The following TASP1 variants were observed in gnomAD, a reference collection of about 807,000 sequenced individuals.
The protein encoded by TASP1 is threonine aspartase 1.
A neutral mutation model predicts 56.6 loss-of-function variants in TASP1; 16 were observed. That is an observed-to-expected ratio of 0.28 (90% confidence interval 0.19 to 0.43). The LOEUF is 0.43. TASP1 is among the 20% of genes least tolerant of loss of function. The pLI is 1.00. For synonymous variants in TASP1, 179 were observed against 184.2 expected (o/e 0.97, Z 0.23); for missense variants, 393 against 511.6 (o/e 0.77, Z 2.24).
chr20:13,279,962 A>G, the TASP1 span: 14 of 1,492,420 alleles, frequency 9.4e-6, no homozygotes, highest in Non-Finnish European at 1.3e-5. Context: ...TGCCTTGGAC[A>G]TGGAGCCAAG....
rs2042955487 is a variant in TASP1, at chr20:13,435,073, T to G, written c.1067A>C (p.Asp356Ala). 6.2e-7 allele frequency: 1 copy of G among 1,610,644 alleles called. No homozygotes were observed. ...LRSCRCSAEP[D>A]SSQNKQTLLV... ...AAGTGTCTGCTTATTTTGGGAGGAG[T>G]CAGGCTCGGCAGAACATCTGCATGA... Residue 356 changes from aspartate (D) to alanine (A), a missense_variant, in exon 12 of 14, where the codon GAC becomes GCC. Physicochemically the swap from Asp to Ala is moderately radical, Grantham distance 126. Transcript: ENST00000337743.
intron 10 of TASP1, among the ~76,000 whole-genome samples, chr20:13,524,742 C>T (rs1300974078): frequency 6.6e-6 from 1 of 152,108 alleles, no homozygotes; most frequent in Admixed American, 6.5e-5. Context: ...ATGCATCCTC[C>T]CATGTAATCC....
intron 8 of TASP1, among the ~76,000 whole-genome samples, chr20:13,549,240 T>A (rs953393870): frequency 1.3e-5 from 2 of 152,124 alleles, no homozygotes; most frequent in Non-Finnish European, 2.9e-5. Context: ...GTAATTCCAG[T>A]CTCAAGTCTT....
At chr20:13,262,471 T>C in the TASP1 span, among the ~76,000 whole-genome samples, 2 of 152,106 alleles carry the variant, frequency 1.3e-5, no homozygotes, top group Admixed American at 6.5e-5. Context: ...TTTTCTTTTT[T>C]TTTTTGGCCT....
intron 10 of TASP1, among the ~76,000 whole-genome samples, chr20:13,522,258 C>T (rs570530006): frequency 6.6e-6 from 1 of 152,188 alleles, no homozygotes; most frequent in East Asian, 1.9e-4. Flanking sequence ...AGAGGTATAT[C>T]GTTTGAGTTC....
At chr20:13,179,253 A>G in the TASP1 span, among the ~76,000 whole-genome samples, 1 of 152,218 alleles carries the variant, frequency 6.6e-6, no homozygotes, top group African/African-American at 2.4e-5. Flanking sequence ...AAGTTTAATT[A>G]ACTCAAGGTA....
chr20:13,417,932 G>A (rs1429163758), intron 12 of TASP1, among the ~76,000 whole-genome samples: 2 of 152,148 alleles, frequency 1.3e-5, no homozygotes, highest in Admixed American at 6.5e-5. Context: ...TCCTTATTGA[G>A]ACGGAGTTTC....
chr20:13,300,746 G>GA, the TASP1 span: 2 of 152,224 alleles, frequency 1.3e-5, no homozygotes, highest in African/African-American at 4.8e-5. Flanking sequence ...ACCCAGGTGG[G>GA]AATAAAAGGC....
chr20:13,600,689 AT>A (rs1180157253), intron 4 of TASP1: 1 of 152,212 alleles, frequency 6.6e-6, no homozygotes, highest in Non-Finnish European at 1.5e-5. Context: ...AGAAAAACAT[AT>A]ATTATACAAG....
At chr20:13,233,425 A>G in the TASP1 span, among the ~76,000 whole-genome samples, 1 of 151,964 alleles carries the variant, frequency 6.6e-6, no homozygotes, top group South Asian at 2.1e-4. Context: ...GAGAAACCCC[A>G]TCTCTACTGA....
chr20:13,268,332 C>A, the TASP1 span, among the ~76,000 whole-genome samples: 1 of 134,490 alleles, frequency 7.4e-6, no homozygotes, highest in Admixed American at 7.7e-5. Flanking sequence ...TCTCTTTCTC[C>A]TTCTCCTTCT....
chr20:13,180,100 G>C, the TASP1 span, among the ~76,000 whole-genome samples: 1 of 152,130 alleles, frequency 6.6e-6, no homozygotes, highest in Non-Finnish European at 1.5e-5. Flanking sequence ...CATTCATGAG[G>C]ACCTGGACAC....
chr20:13,192,044 A>G, the TASP1 span, among the ~76,000 whole-genome samples: 1 of 152,216 alleles, frequency 6.6e-6, no homozygotes, highest in African/African-American at 2.4e-5. Context: ...AGACAGAAGT[A>G]AAATGTCTGA....
At chr20:13,126,262 A>G in the TASP1 span, among the ~76,000 whole-genome samples, 1 of 152,226 alleles carries the variant, frequency 6.6e-6, no homozygotes, top group Non-Finnish European at 1.5e-5. Context: ...GGCACTGAAC[A>G]CAAAGTCAGT....
At chr20:13,512,961 A>G (rs2044391985) in intron 10 of TASP1, among the ~76,000 whole-genome samples, 2 of 152,060 alleles carry the variant, frequency 1.3e-5, no homozygotes, top group Non-Finnish European at 2.9e-5. Flanking sequence ...ATTGGTCTAT[A>G]TCTCTGTTTT....
Position 13,414,973 on chromosome 20 carries a change from C to G in TASP1, c.1170+2475G>C, listed in dbSNP as rs144769244. Among the ~76,000 whole-genome samples the G allele has an allele frequency of 4.2e-3, 632 of 152,236 alleles. 1 individual carries two copies. The highest frequency in any genetic ancestry group is 0.014 in the African/African-American group (585 of 41,544). On this transcript the variant is annotated intron_variant, in intron 13 of 13. Coordinates refer to ENST00000337743, the MANE Select transcript of TASP1 (RefSeq NM_017714.3). ...GGCTTTAACTTGGGATTAAACACAA[C>G]TAGCTCATATATGTTCAAATGGCCA... is the stretch of plus-strand genomic sequence containing the variant.
At chr20:13,533,538 TG>T (rs1188957812) in intron 9 of TASP1, among the ~76,000 whole-genome samples, 1 of 152,206 alleles carries the variant, frequency 6.6e-6, no homozygotes, top group Non-Finnish European at 1.5e-5. Flanking sequence ...CCTGAAATAC[TG>T]GTTATTTTCT....
the TASP1 span, among the ~76,000 whole-genome samples, chr20:13,344,171 AG>A: frequency 3.9e-5 from 6 of 151,998 alleles, no homozygotes; most frequent in Non-Finnish European, 7.4e-5. Flanking sequence ...TGATATGGGG[AG>A]AAGCATGACC....
intron 10 of TASP1, among the ~76,000 whole-genome samples, chr20:13,500,751 G>C (rs925217595): frequency 1.3e-5 from 2 of 151,954 alleles, no homozygotes; most frequent in African/African-American, 4.8e-5. Flanking sequence ...GAATAAATAG[G>C]AATGTGGTAT....
Sources: gnomAD v4.1 joint callset for allele counts (sites outside exome capture counted in the v4.1 genomes callset) on GRCh38, gnomAD v4.1.1 for gene constraint, MANE v1.5 for transcripts, NCBI Gene and HGNC (gene_info 2026-07-23, HGNC 2026-07-21) for gene names.